The following C1orf167 variants were observed in gnomAD, a reference collection of about 807,000 sequenced individuals.
The protein encoded by C1orf167 is chromosome 1 open reading frame 167, also known as uncharacterized protein C1orf167.
In C1orf167, 153 loss-of-function variants were observed where a neutral mutation model predicts 176.5. That is an observed-to-expected ratio of 0.87 (90% confidence interval 0.76 to 0.99). The LOEUF (loss-of-function observed/expected upper bound fraction) is 0.99, where lower values mean the gene tolerates loss of function less well. Among genes scored for constraint, C1orf167 ranks in the 50% least tolerant of loss-of-function variants. C1orf167 has a pLI of 0.00. For missense variants in C1orf167, 1,490 were observed against 1,817.7 expected (o/e 0.82, Z 3.28); for synonymous variants, 594 against 752.7 (o/e 0.79, Z 3.45).
At chr1:11,785,508 G>A (rs192238519) in intron 16 of C1orf167, among the ~76,000 whole-genome samples, 44 of 152,252 alleles carry the variant, frequency 2.9e-4, no homozygotes, top group Admixed American at 2.4e-3. Context: ...CAGCAACCTC[G>A]TATGCACCAC....
At position 11,785,261 on chromosome 1, in the gene C1orf167, T is replaced by C. The variant is rs569819222; in HGVS notation, c.3539T>C (p.Val1180Ala). 3 of 1,288,696 alleles carry C rather than the reference T, an allele frequency of 2.3e-6. No homozygotes were observed. The Admixed American group carries it at 6.9e-5, about 30-fold the overall frequency. 79.8% of individuals were successfully genotyped at this position (1,288,696 alleles called of 1,614,324 possible). Residue 1180 changes from valine (V) to alanine (A), a missense_variant, in exon 16 of 21, where the codon GTG (valine) becomes GCG (alanine). Val to Ala is a moderately conservative substitution (Grantham distance 64). Transcript: ENST00000688073. ...RRFLRTVQLR[V>A]RLGLPGAGKT... is the part of the protein sequence containing the mutation. ...TTCCTGCGGACAGTGCAGCTCAGGG[T>C]GCGGCTGGGACTGCCAGGGGCCGGC... is the stretch of plus-strand genomic sequence containing the variant.
At position 11,768,231 on chromosome 1, in the gene C1orf167, T is replaced by C. The variant is rs756774365; in HGVS notation, c.1498T>C (p.Trp500Arg). 2 of 1,289,878 alleles carry C rather than the reference T, an allele frequency of 1.6e-6. No individual in the cohort carries two copies. The highest frequency in any genetic ancestry group is 2.0e-6 in the Non-Finnish European group (2 of 988,850). The allele number at this position is 1,289,878 out of a possible 1,614,324, so 79.9% of individuals were successfully genotyped here. A position where few individuals can be genotyped will look rare whatever the true frequency, so the allele number is the denominator to read the frequency against. Residue 500 changes from tryptophan (W) to arginine (R), a missense_variant, in exon 5 of 21, where the codon TGG (tryptophan) becomes CGG (arginine). By Grantham distance (101) the Trp-to-Arg change is moderately radical. Coordinates refer to ENST00000688073, the MANE Select transcript of C1orf167 (RefSeq NM_001010881.2). The surrounding 1 kb of genome is among the most constrained non-coding windows in gnomAD (Gnocchi z 4.5). ...CCGGGAGGCTCAGCTGGAGGCAGCATGGGGGCAGTACACAAAGGTTCTGCT... is the reference window on the plus strand; with the variant it reads ...CCGGGAGGCTCAGCTGGAGGCAGCACGGGGGCAGTACACAAAGGTTCTGCT... ...WLREAQLEAA[W>R]GQYTKVLLVR...
intron 4 of C1orf167, among the ~76,000 whole-genome samples, 180 bp downstream of exon 4, chr1:11,767,444 G>A (rs536925102): frequency 6.6e-6 from 1 of 152,180 alleles, no homozygotes; most frequent in Admixed American, 6.5e-5. Context: ...AGGGCCCCAG[G>A]GACAAGAACG....
chr1:11,766,666 GGGA>G lies in C1orf167; in HGVS notation c.888_890del (p.Arg298del). ...CCAGCCTGTCCTTGCTTCCTCGGAT[GGGA>G]GGAGGAGACGCCTTCGAGGCCACAG... On this transcript the variant is annotated inframe_deletion, in exon 3 of 21. Transcript: ENST00000688073. The surrounding 1 kb of genome is among the most constrained non-coding windows in gnomAD (Gnocchi z 4.5). 1 of 1,289,842 alleles carries G rather than the reference GGGA, an allele frequency of 7.8e-7. No homozygotes were observed. Among genetic ancestry groups the G allele is most frequent in the Non-Finnish European group, 1.0e-6 (1 of 988,846 alleles). 79.9% of individuals were successfully genotyped at this position (1,289,842 alleles called of 1,614,324 possible). A position where few individuals can be genotyped will look rare whatever the true frequency, so the allele number is the denominator to read the frequency against.
intron 19 of C1orf167, 48 bp from the exon 20 acceptor site, chr1:11,788,604 C>T (rs779427716): frequency 9.4e-6 from 12 of 1,279,162 alleles, no homozygotes; most frequent in South Asian, 3.7e-5. Context: ...CTGGGGACTG[C>T]GGGGGAGCGT....
intron 8 of C1orf167, 88 bp from the exon 9 acceptor site, chr1:11,775,347 G>A: frequency 9.5e-7 from 1 of 1,055,100 alleles, no homozygotes; most frequent in Non-Finnish European, 1.3e-6. Flanking sequence ...CCCAAGGCCT[G>A]GGTAGTGTGT....
chr1:11,767,095 C>T lies in C1orf167; in HGVS notation c.1299+10C>T, dbSNP rs1642836290. The T allele has an allele frequency of 1.0e-5, 11 of 1,076,604 alleles. No homozygotes were observed. The highest frequency in any genetic ancestry group is 2.5e-5 in the Admixed American group (1 of 39,846). The allele number at this position is 1,076,604 out of a possible 1,614,324, so 66.7% of individuals were successfully genotyped here. A position where few individuals can be genotyped will look rare whatever the true frequency, so the allele number is the denominator to read the frequency against. ...GAGCAGTGCGTCGAAGGTAGAGGCC[C>T]GGGGAGGCTGGAGGTGGGGTAGGGG... On this transcript the variant is annotated intron_variant, in intron 3 of 20. Coordinates refer to ENST00000688073, the MANE Select transcript of C1orf167 (RefSeq NM_001010881.2).
intron 6 of C1orf167, among the ~76,000 whole-genome samples, chr1:11,769,953 C>A (rs975338901): frequency 6.6e-6 from 1 of 152,042 alleles, no homozygotes; most frequent in African/African-American, 2.4e-5. Flanking sequence ...AGCCACCACG[C>A]CTGGCCAGGA....
chr1:11,782,280 A>G lies in C1orf167; in HGVS notation c.2952A>G (p.Ala984=), dbSNP rs1356972841. The change falls in exon 14 of 21, where the codon GCA becomes GCG. Residue 984 remains alanine (A), a synonymous_variant. Transcript: ENST00000688073. ...TGGTGTTCCGGAGCTGGCAGCAGGC[A>G]GCAGCTCATCAGAGATGCACAGTGA... The part of the protein sequence containing the change: ...QKVVFRSWQQ[A]AAHQRCTVTR... 1 of 1,300,496 alleles carries G rather than the reference A, an allele frequency of 7.7e-7. No homozygotes were observed. The highest frequency in any genetic ancestry group is 2.3e-5 in the Admixed American group (1 of 42,918). 80.6% of individuals were successfully genotyped at this position (1,300,496 alleles called of 1,614,324 possible).
Position 11,766,268 on chromosome 1 carries a change from G to A in C1orf167, c.482G>A (p.Arg161His), listed in dbSNP as rs778754381. 13 of 1,288,944 alleles carry A rather than the reference G, an allele frequency of 1.0e-5. No individual in the cohort carries two copies. The African/African-American group carries it at 1.1e-4, about 11-fold the overall frequency. 79.8% of individuals were successfully genotyped at this position (1,288,944 alleles called of 1,614,324 possible). Residue 161 changes from arginine (R) to histidine (H), a missense_variant, in exon 3 of 21, where the codon CGC (arginine) becomes CAC (histidine). Arg to His is a conservative substitution (Grantham distance 29). Coordinates refer to ENST00000688073, the MANE Select transcript of C1orf167 (RefSeq NM_001010881.2). The surrounding 1 kb of genome is among the most constrained non-coding windows in gnomAD (Gnocchi z 4.5). ...CTCCTATCCCAAGAGCCACTGGCTC[G>A]CCCATCTTCCTGCCTGAGGCAGTCC... Reference protein sequence around the residue: ...GPLLSQEPLARPSSCLRQSGL... With the variant: ...GPLLSQEPLAHPSSCLRQSGL...
Position 11,765,970 on chromosome 1 carries a change from G to A in C1orf167, c.184G>A (p.Ala62Thr). The A allele has an allele frequency of 7.8e-7, 1 of 1,282,796 alleles. No homozygotes were observed. Among genetic ancestry groups the A allele is most frequent in the East Asian group, 5.6e-5 (1 of 17,872 alleles). 79.5% of individuals were successfully genotyped at this position (1,282,796 alleles called of 1,614,324 possible). The change falls in exon 3 of 21, where the codon GCA (alanine) becomes ACA (threonine). Residue 62 changes from alanine (A) to threonine (T), a missense_variant. Ala to Thr is a moderately conservative substitution (Grantham distance 58). Transcript: ENST00000688073. ...GGPAATPSPGAVLDQEPCRVQ... is the reference protein window; with the variant it reads ...GGPAATPSPGTVLDQEPCRVQ... Reference sequence around the variant, plus strand: ...GCCTGCTGCCACACCCTCCCCAGGGGCAGTGCTAGACCAGGAGCCCTGCCG... The same window carrying A: ...GCCTGCTGCCACACCCTCCCCAGGGACAGTGCTAGACCAGGAGCCCTGCCG...
intron 8 of C1orf167, among the ~76,000 whole-genome samples, chr1:11,774,120 G>T (rs981533899): frequency 4.6e-5 from 7 of 151,986 alleles, no homozygotes; most frequent in African/African-American, 1.7e-4. Context: ...GCTCAGGCTG[G>T]CCTCGAACTC....
Position 11,789,525 on chromosome 1 carries a change from G to T in C1orf167, c.*79G>T. On this transcript the variant is annotated 3_prime_UTR_variant, in exon 21 of 21. Coordinates refer to ENST00000688073, the MANE Select transcript of C1orf167 (RefSeq NM_001010881.2). ...ACCATGCCCCACACATCCAGGGAGT[G>T]ATGACAGAGGGGACAGCTTGAAGAG... 1 of 1,205,174 alleles carries T rather than the reference G, an allele frequency of 8.3e-7. No homozygotes were observed. Among genetic ancestry groups the T allele is most frequent in the Non-Finnish European group, 1.1e-6 (1 of 919,564 alleles). 74.7% of individuals were successfully genotyped at this position (1,205,174 alleles called of 1,614,324 possible).
chr1:11,765,255 C>G (rs1391379402), intron 2 of C1orf167, among the ~76,000 whole-genome samples: 1 of 152,066 alleles, frequency 6.6e-6, no homozygotes, highest in Non-Finnish European at 1.5e-5. Flanking sequence ...CCCACTCTAC[C>G]TGCCAGGCCC....
Position 11,778,834 on chromosome 1 carries a change from G to A in C1orf167, c.2496+18G>A. ...TGGAGAAGGTGAGAGGTAGGAGGGT[G>A]GGGAGGGGCTGGGGCAGGTAGGGGT... On this transcript the variant is annotated intron_variant, in intron 11 of 20. Coordinates refer to ENST00000688073, the MANE Select transcript of C1orf167 (RefSeq NM_001010881.2). The A allele has an allele frequency of 7.7e-7, 1 of 1,296,086 alleles. No individual in the cohort carries two copies. The highest frequency in any genetic ancestry group is 1.0e-6 in the Non-Finnish European group (1 of 982,178). The allele number at this position is 1,296,086 out of a possible 1,614,324, so 80.3% of individuals were successfully genotyped here.
intron 1 of C1orf167, among the ~76,000 whole-genome samples, chr1:11,763,712 C>G (rs1642640858): frequency 6.6e-6 from 1 of 152,164 alleles, no homozygotes; most frequent in South Asian, 2.1e-4. Context: ...CAGGATCACC[C>G]TGCCGCCGCA....
Position 11,772,170 on chromosome 1 carries a change from G to C in C1orf167, c.1899G>C (p.Gly633=). 1.5e-6 allele frequency: 2 copies of C among 1,304,330 alleles called. No homozygotes were observed. The highest frequency in any genetic ancestry group is 2.0e-6 in the Non-Finnish European group (2 of 988,960). The allele number at this position is 1,304,330 out of a possible 1,614,324, so 80.8% of individuals were successfully genotyped here. The change falls in exon 8 of 21, where the codon GGG becomes GGC. Residue 633 remains glycine, a synonymous_variant. Coordinates refer to ENST00000688073, the MANE Select transcript of C1orf167 (RefSeq NM_001010881.2). ...RKATRATQRT[G]SFPQAWHSTA... ...CCACCAGGGCCACACAGAGGACAGG[G>C]AGCTTCCCCCAGGCCTGGCACTCTA...
chr1:11,788,250 T>C lies in C1orf167; in HGVS notation c.3950T>C (p.Val1317Ala). 7.7e-7 allele frequency: 1 copy of C among 1,303,862 alleles called. No homozygotes were observed. The highest frequency in any genetic ancestry group is 1.0e-6 in the Non-Finnish European group (1 of 988,624). 80.8% of individuals were successfully genotyped at this position (1,303,862 alleles called of 1,614,324 possible). The change falls in exon 19 of 21, where the codon GTA (valine) becomes GCA (alanine). Residue 1317 changes from valine (V) to alanine (A), a missense_variant. Coordinates refer to ENST00000688073, the MANE Select transcript of C1orf167 (RefSeq NM_001010881.2). The part of the protein sequence containing the change: ...GHDALGHQEE[V>A]PAAPVPRGTA... ...GATGCTCTTGGCCATCAGGAGGAAGTACCTGCAGCGCCGGTGCCTCGAGGC... is the reference window on the plus strand; with the variant it reads ...GATGCTCTTGGCCATCAGGAGGAAGCACCTGCAGCGCCGGTGCCTCGAGGC...
intron 1 of C1orf167, among the ~76,000 whole-genome samples, chr1:11,763,066 C>T (rs1337492750): frequency 1.3e-5 from 2 of 152,052 alleles, no homozygotes; most frequent in Non-Finnish European, 2.9e-5. Flanking sequence ...GGAGGAGCAG[C>T]CAGGGGGCTG....
Sources: allele counts gnomAD v4.1 joint callset (sites outside exome capture counted in the v4.1 genomes callset), GRCh38; gene constraint gnomAD v4.1.1; non-coding constraint Gnocchi (gnomAD v3.1); transcripts MANE v1.5; gene names NCBI Gene and HGNC (gene_info 2026-07-23, HGNC 2026-07-21).